The following PIP4K2A variants were observed in gnomAD, a reference collection of about 807,000 sequenced individuals.
PIP4K2A encodes the protein phosphatidylinositol-5-phosphate 4-kinase type 2 alpha.
Under a neutral mutation model 42.9 loss-of-function variants are expected in PIP4K2A, and 14 were observed. That is an observed-to-expected ratio of 0.33 (90% CI 0.22 to 0.51). The LOEUF (loss-of-function observed/expected upper bound fraction) is 0.51, where lower values mean the gene tolerates loss of function less well. PIP4K2A is among the 20% of genes least tolerant of loss of function. PIP4K2A has a pLI of 0.97. For synonymous variants in PIP4K2A, 192 were observed against 192.2 expected (o/e 1.00, Z 0.01); for missense variants, 434 against 519.8 (o/e 0.83, Z 1.61).
intron 1 of PIP4K2A, among the ~76,000 whole-genome samples, chr10:22,631,198 A>C (rs1018894363): frequency 2.0e-5 from 3 of 152,224 alleles, no homozygotes; most frequent in Non-Finnish European, 2.9e-5. Context: ...AAATAGTGAT[A>C]ATAACAGACT....
intron 6 of PIP4K2A, among the ~76,000 whole-genome samples, chr10:22,563,438 C>T (rs1314945940): frequency 1.3e-5 from 2 of 152,062 alleles, no homozygotes; most frequent in Non-Finnish European, 2.9e-5. Flanking sequence ...AATTGTTTTG[C>T]TAACATAGTA....
intron 1 of PIP4K2A, among the ~76,000 whole-genome samples, chr10:22,666,953 G>A (rs1037997767): frequency 6.6e-6 from 1 of 152,160 alleles, no homozygotes; most frequent in East Asian, 1.9e-4. Flanking sequence ...AAAAGGGCAG[G>A]TGAATCTATT....
At chr10:22,582,285 G>T (rs1244406131) in intron 4 of PIP4K2A, among the ~76,000 whole-genome samples, 1 of 151,886 alleles carries the variant, frequency 6.6e-6, no homozygotes, top group African/African-American at 2.4e-5. Context: ...ACAGCCACCA[G>T]ACCTAGGTTT....
chr10:22,599,913 C>A (rs1417789157), intron 3 of PIP4K2A, among the ~76,000 whole-genome samples: 1 of 152,180 alleles, frequency 6.6e-6, no homozygotes. Flanking sequence ...ATTGTCCTTT[C>A]CCTTAAGAAA....
intron 1 of PIP4K2A, among the ~76,000 whole-genome samples, chr10:22,668,893 C>A (rs956972837): frequency 6.6e-6 from 1 of 152,192 alleles, no homozygotes; most frequent in Non-Finnish European, 1.5e-5. Flanking sequence ...GATAATTTAA[C>A]AGTAAACTTT....
chr10:22,536,753 GT>G lies in PIP4K2A; in HGVS notation c.*447del, dbSNP rs1473166442. The G allele has an allele frequency of 4.8e-5, 3 of 62,512 alleles. No homozygotes were observed. Among genetic ancestry groups the G allele is most frequent in the Non-Finnish European group, 1.1e-4 (3 of 27,732 alleles). 3.9% of individuals were successfully genotyped at this position (62,512 alleles called of 1,614,324 possible). ...AAAAAAAAAAACTGATCCACAGTTT[GT>G]TGTGTGATGCCAACACGGTGCCTGA... On this transcript the variant is annotated 3_prime_UTR_variant, in exon 10 of 10. Coordinates refer to ENST00000376573, the MANE Select transcript of PIP4K2A (RefSeq NM_005028.5).
rs1835903213 is a variant in PIP4K2A, at chr10:22,535,766, G to A, written c.*1435C>T. The stretch of plus-strand genomic sequence containing the variant: ...GTTGGTAGATACATGATCTAGGTTG[G>A]AAATTTATAACTTGATTAAAAACAA... On this transcript the variant is annotated 3_prime_UTR_variant, in exon 10 of 10. Transcript: ENST00000376573. 1 of 216,822 alleles carries A rather than the reference G, an allele frequency of 4.6e-6. No individual in the cohort carries two copies. The highest frequency in any genetic ancestry group is 9.0e-6 in the Non-Finnish European group (1 of 111,056). The allele number at this position is 216,822 out of a possible 1,614,324, so 13.4% of individuals were successfully genotyped here.
chr10:22,551,046 G>A (rs763852056), intron 6 of PIP4K2A, among the ~76,000 whole-genome samples: 1 of 152,184 alleles, frequency 6.6e-6, no homozygotes, highest in Non-Finnish European at 1.5e-5. Flanking sequence ...CACATTTCAT[G>A]TTTTTCAGAG....
rs991408962 is a variant in PIP4K2A, at chr10:22,609,793, G to C, written c.145-76C>G. The C allele has an allele frequency of 1.3e-5, 11 of 837,722 alleles. No homozygotes were observed. The South Asian group carries it at 1.8e-4, about 13-fold the overall frequency. The allele number at this position is 837,722 out of a possible 1,614,324, so 51.9% of individuals were successfully genotyped here. On this transcript the variant is annotated intron_variant, in intron 1 of 9. Coordinates refer to ENST00000376573, the MANE Select transcript of PIP4K2A (RefSeq NM_005028.5). ...GGACTTGACTTGAATGTGTACCTTG[G>C]GAAAAAAAACATGGTGGACACAGGA...
chr10:22,584,278 T>A (rs7087066), intron 4 of PIP4K2A, among the ~76,000 whole-genome samples: 1 of 151,660 alleles, frequency 6.6e-6, no homozygotes, highest in Non-Finnish European at 1.5e-5. Context: ...TTTTGAAAAA[T>A]CTTCTGGAAA....
intron 1 of PIP4K2A, among the ~76,000 whole-genome samples, chr10:22,675,797 G>A (rs905771983): frequency 1.3e-5 from 2 of 152,188 alleles, no homozygotes; most frequent in African/African-American, 4.8e-5. Context: ...GTCAATGGCA[G>A]GAGGTGCTGA....
intron 1 of PIP4K2A, among the ~76,000 whole-genome samples, chr10:22,710,210 G>A (rs977353199): frequency 5.3e-5 from 8 of 152,118 alleles, no homozygotes; most frequent in African/African-American, 1.9e-4. Flanking sequence ...ACAGCACATG[G>A]TGCTCATCAG....
intron 4 of PIP4K2A, 83 bp from the exon 5 acceptor site, chr10:22,573,540 G>A (rs149851162): frequency 8.2e-7 from 1 of 1,218,978 alleles, no homozygotes; most frequent in Non-Finnish European, 1.1e-6. Context: ...CGCCTATGGT[G>A]TTCATACAAA....
At chr10:22,552,894 TTGTATAAA>T (rs1336905769) in intron 6 of PIP4K2A, among the ~76,000 whole-genome samples, 2 of 152,008 alleles carry the variant, frequency 1.3e-5, no homozygotes, top group East Asian at 3.9e-4. Context: ...TTTTCTGGTT[TTGTATAAA>T]TGTGAGAAAC....
rs1238005045 is a variant in PIP4K2A, at chr10:22,541,999, G to A, written c.841C>T (p.His281Tyr). ...TCCTGTTCGGCTCTCTCCACATCAT[G>A]AATTCCCACCAGCAGACTGTAGTCC... ...LMDYSLLVGI[H>Y]DVERAEQEEV... The change falls in exon 8 of 10, where the codon CAT becomes TAT. Residue 281 changes from histidine to tyrosine, a missense_variant. His to Tyr is a moderately conservative substitution (Grantham distance 83). Around this residue, in one of 2 missense-constraint regions of PIP4K2A, gnomAD observed 395 missense variants for 444.5 expected, o/e 0.89. Coordinates refer to ENST00000376573, the MANE Select transcript of PIP4K2A (RefSeq NM_005028.5). The A allele has an allele frequency of 1.2e-6, 2 of 1,613,792 alleles. No individual in the cohort carries two copies. The highest frequency in any genetic ancestry group is 1.7e-5 in the Admixed American group (1 of 59,992).
chr10:22,616,296 C>G (rs1838176538), intron 1 of PIP4K2A, among the ~76,000 whole-genome samples: 1 of 152,166 alleles, frequency 6.6e-6, no homozygotes, highest in Non-Finnish European at 1.5e-5. Flanking sequence ...ACACTTGGCA[C>G]TAACCTTACG....
chr10:22,647,572 A>C (rs1344413808), intron 1 of PIP4K2A, among the ~76,000 whole-genome samples: 5 of 152,192 alleles, frequency 3.3e-5, no homozygotes, highest in Non-Finnish European at 7.4e-5. Flanking sequence ...ATAGGCCACA[A>C]CAGTAACTCA....
At chr10:22,692,280 T>A (rs11013098) in intron 1 of PIP4K2A, among the ~76,000 whole-genome samples, 1 of 151,784 alleles carries the variant, frequency 6.6e-6, no homozygotes, top group Non-Finnish European at 1.5e-5. Flanking sequence ...CTAATGCTGC[T>A]GCTGATCTGA....
At chr10:22,640,297 G>T (rs1255353288) in intron 1 of PIP4K2A, among the ~76,000 whole-genome samples, 1 of 152,110 alleles carries the variant, frequency 6.6e-6, no homozygotes, top group African/African-American at 2.4e-5. Flanking sequence ...CACTCCTACA[G>T]TATTTCCCTT....
Sources: gnomAD v4.1 joint callset for allele counts (sites outside exome capture counted in the v4.1 genomes callset) on GRCh38, gnomAD v4.1.1 for gene constraint, gnomAD v4.1.1 regional missense constraint, MANE v1.5 for transcripts, NCBI Gene and HGNC (gene_info 2026-07-23, HGNC 2026-07-21) for gene names.